KCNB2: variants seen among roughly 807,000 people sequenced by gnomAD.
KCNB2 encodes the protein potassium voltage-gated channel subfamily B member 2.
A neutral mutation model predicts 61.5 loss-of-function variants in KCNB2; 15 were observed. That is an observed-to-expected ratio of 0.24 (90% CI 0.16 to 0.38). The LOEUF (loss-of-function observed/expected upper bound fraction) is 0.38, where lower values mean the gene tolerates loss of function less well. Ranked by LOEUF, KCNB2 falls within the 10% of genes least tolerant of loss-of-function variation. KCNB2 has a pLI of 1.00. For missense variants in KCNB2, 828 were observed against 1,125.2 expected (o/e 0.74, Z 3.78); for synonymous variants, 457 against 446.0 (o/e 1.02, Z -0.31).
At chr8:72,740,968 C>G (rs967148617) in intron 2 of KCNB2, among the ~76,000 whole-genome samples, 2 of 152,130 alleles carry the variant, frequency 1.3e-5, no homozygotes, top group African/African-American at 4.8e-5. Context: ...CTGTATTTCT[C>G]TATTCTCAAG....
chr8:72,936,802 G>A lies in KCNB2; in HGVS notation c.1447G>A (p.Asp483Asn), dbSNP rs985476287. 7 of 1,613,996 alleles carry A rather than the reference G, an allele frequency of 4.3e-6. No homozygotes were observed. Among genetic ancestry groups the A allele is most frequent in the Admixed American group, 1.7e-5 (1 of 60,000 alleles). ...GTCCGCCAACACAAAGGACTCCGCC[G>A]ACGATAATCACCTGTCGCCAAGCCG... ...GESANTKDSA[D>N]DNHLSPSRWK... Residue 483 changes from aspartate (D) to asparagine (N), a missense_variant, in exon 3 of 3, where the codon GAC (aspartate) becomes AAC (asparagine). By Grantham distance (23) the Asp-to-Asn change is conservative (BLOSUM62 1). Around this residue, in one of 4 missense-constraint regions of KCNB2, gnomAD observed 559 missense variants for 588.4 expected, o/e 0.95. Transcript: ENST00000523207. The surrounding 1 kb of genome is among the most constrained non-coding windows in gnomAD (Gnocchi z 5.6).
intron 2 of KCNB2, among the ~76,000 whole-genome samples, chr8:72,657,048 T>C (rs1269365037): frequency 6.6e-6 from 1 of 152,162 alleles, no homozygotes; most frequent in Non-Finnish European, 1.5e-5. Flanking sequence ...CAAATTCACT[T>C]AACTAAATTA....
chr8:72,599,892 A>G (rs1022015609), intron 2 of KCNB2, among the ~76,000 whole-genome samples: 7 of 152,256 alleles, frequency 4.6e-5, no homozygotes, highest in African/African-American at 1.7e-4. Context: ...CAAAACCACA[A>G]TGAGATACCA....
intron 2 of KCNB2, among the ~76,000 whole-genome samples, chr8:72,679,303 A>C (rs1159536403): frequency 6.6e-6 from 1 of 152,224 alleles, no homozygotes; most frequent in African/African-American, 2.4e-5. Context: ...TTATTCATAC[A>C]CAGACTCACA....
At chr8:72,823,578 ATGATGT>A in intron 2 of KCNB2, among the ~76,000 whole-genome samples, 1 of 152,338 alleles carries the variant, frequency 6.6e-6, no homozygotes, top group South Asian at 2.1e-4. Flanking sequence ...TAGAAGATTC[ATGATGT>A]TCAAGTTGTT....
At chr8:72,871,087 C>T (rs1277235295) in intron 2 of KCNB2, among the ~76,000 whole-genome samples, 1 of 152,178 alleles carries the variant, frequency 6.6e-6, no homozygotes, top group Non-Finnish European at 1.5e-5. Context: ...TGACCTTGAG[C>T]CAGACAATTA....
rs916951195 is a variant in KCNB2, at chr8:72,696,864, G to A, written c.579+128551G>A. On this transcript the variant is annotated intron_variant, in intron 2 of 2. Coordinates refer to ENST00000523207, the MANE Select transcript of KCNB2 (RefSeq NM_004770.3). ...TTTTTCTATATGCTAGTCTTTCTAT[G>A]GGAAAGGCAAACAAAAAAGAATGGC... 2.0e-5 allele frequency among the ~76,000 whole-genome samples: 3 copies of A among 151,982 alleles called. 1 individual carries two copies.
intron 2 of KCNB2, among the ~76,000 whole-genome samples, chr8:72,700,867 T>C (rs1377321308): frequency 6.6e-6 from 1 of 152,190 alleles, no homozygotes; most frequent in African/African-American, 2.4e-5. Flanking sequence ...AAAGAACATG[T>C]GGTACATATA....
chr8:72,697,964 C>T (rs1464335402), intron 2 of KCNB2, among the ~76,000 whole-genome samples: 1 of 152,062 alleles, frequency 6.6e-6, no homozygotes, highest in Non-Finnish European at 1.5e-5. Flanking sequence ...GCCACAAGCC[C>T]TCCAGGTGAT....
At chr8:72,898,464 T>G (rs1806028667) in intron 2 of KCNB2, among the ~76,000 whole-genome samples, 1 of 151,942 alleles carries the variant, frequency 6.6e-6, no homozygotes, top group Non-Finnish European at 1.5e-5. Flanking sequence ...AAAAAAACAT[T>G]GGAAAGCTGA....
chr8:72,648,585 T>TC lies in KCNB2; in HGVS notation c.579+80273dup, dbSNP rs397689448. Among the ~76,000 whole-genome samples, 17 of 151,552 alleles carry TC rather than the reference T, an allele frequency of 1.1e-4. 1 individual carries two copies. The highest frequency in any genetic ancestry group is 7.9e-4 in the Admixed American group (12 of 15,202). On this transcript the variant is annotated intron_variant, in intron 2 of 2. Coordinates refer to ENST00000523207, the MANE Select transcript of KCNB2 (RefSeq NM_004770.3). ...CACCACACCTGGCTTTTTTTTTTTT[T>TC]CAGAATATAAATTAATAGTTTTGAG... is the stretch of plus-strand genomic sequence containing the variant.
chr8:72,710,894 A>G (rs560567881), intron 2 of KCNB2, among the ~76,000 whole-genome samples: 1 of 152,340 alleles, frequency 6.6e-6, no homozygotes, highest in East Asian at 1.9e-4. Context: ...GTGGATGGAG[A>G]AGTCAGAGTG....
At chr8:72,905,440 G>A (rs1806160693) in intron 2 of KCNB2, among the ~76,000 whole-genome samples, 1 of 151,518 alleles carries the variant, frequency 6.6e-6, no homozygotes, top group South Asian at 2.1e-4. Flanking sequence ...GAACTTTATA[G>A]AAATATTTGT....
chr8:72,834,868 A>G (rs1347698854), intron 2 of KCNB2, among the ~76,000 whole-genome samples: 1 of 152,194 alleles, frequency 6.6e-6, no homozygotes, highest in Non-Finnish European at 1.5e-5. Flanking sequence ...TGTATATAGT[A>G]TCGCCTTCTT....
In KCNB2 at chr8:72,594,593, A is replaced by T. The variant is rs183377667; in HGVS notation, c.579+26280A>T. Among the ~76,000 whole-genome samples the T allele has an allele frequency of 1.7e-3, 258 of 152,302 alleles. 1 individual carries two copies. The highest frequency in any genetic ancestry group is 5.9e-3 in the African/African-American group (244 of 41,560). ...TTTTGGTAATGACCAAAATTTCTAG[A>T]TGAACGTGTCAGTGGAAAAGCTATA... On this transcript the variant is annotated intron_variant, in intron 2 of 2. Coordinates refer to ENST00000523207, the MANE Select transcript of KCNB2 (RefSeq NM_004770.3).
chr8:72,731,378 A>G (rs1807735393), intron 2 of KCNB2, among the ~76,000 whole-genome samples: 1 of 152,196 alleles, frequency 6.6e-6, no homozygotes. Flanking sequence ...TTCAGAAGGC[A>G]TTTCAGAATC....
intron 2 of KCNB2, among the ~76,000 whole-genome samples, chr8:72,903,311 G>C (rs367710320): frequency 6.6e-6 from 1 of 152,268 alleles, no homozygotes; most frequent in African/African-American, 2.4e-5. Context: ...GTTTGAGGTT[G>C]AGTCCTGGCA....
intron 2 of KCNB2, among the ~76,000 whole-genome samples, chr8:72,710,337 C>T (rs1335880227): frequency 6.6e-6 from 1 of 152,110 alleles, no homozygotes; most frequent in East Asian, 1.9e-4. Flanking sequence ...TCTCATATAT[C>T]ATCTCTTTCA....
intron 2 of KCNB2, among the ~76,000 whole-genome samples, chr8:72,814,389 A>C (rs1382032406): frequency 6.6e-6 from 1 of 152,138 alleles, no homozygotes; most frequent in East Asian, 1.9e-4. Context: ...TGAATAGGCA[A>C]ATGTTCAGCT....
Sources: gnomAD v4.1 joint callset for allele counts (sites outside exome capture counted in the v4.1 genomes callset) on GRCh38, gnomAD v4.1.1 for gene constraint, gnomAD v4.1.1 regional missense constraint, Gnocchi (gnomAD v3.1) non-coding constraint, MANE v1.5 for transcripts, NCBI Gene and HGNC (gene_info 2026-07-23, HGNC 2026-07-21) for gene names.